Variants in C8orf34 observed in about 807,000 individuals in gnomAD.
C8orf34 encodes the protein uncharacterized protein C8orf34.
In C8orf34, 65 loss-of-function variants were observed where a neutral mutation model predicts 68.3. The ratio of observed to expected loss-of-function variants is 0.95; its 90% CI spans 0.78 to 1.17. C8orf34 has a LOEUF of 1.17. Ranked by LOEUF, C8orf34 falls within the 50% of genes most tolerant of loss-of-function variation. The probability of loss-of-function intolerance (pLI) is 0.00; values close to 1 mark genes in which losing one functional copy is unlikely to be tolerated. For synonymous variants in C8orf34, 244 were observed against 241.2 expected (o/e 1.01, Z -0.11); for missense variants, 664 against 655.4 (o/e 1.01, Z -0.14).
At chr8:68,806,555 G>A (rs1350796205) in intron 12 of C8orf34, among the ~76,000 whole-genome samples, 1 of 151,998 alleles carries the variant, frequency 6.6e-6, no homozygotes. Flanking sequence ...TTAGTCACCT[G>A]TTAGATTATT....
At chr8:68,805,502 T>C (rs966865004) in intron 12 of C8orf34, among the ~76,000 whole-genome samples, 6 of 152,226 alleles carry the variant, frequency 3.9e-5, no homozygotes, top group African/African-American at 1.2e-4. Flanking sequence ...TCCTGCTTTA[T>C]AAATTTTGGT....
Position 68,382,768 on chromosome 8 carries a change from T to C in C8orf34, c.327+51429T>C, listed in dbSNP as rs560709360. ...GGACTCAGTCCTAGATCTCCTCTTT[T>C]TTTATTTTATACTTTCCTTTAGAAA... On this transcript the variant is annotated intron_variant, in intron 1 of 13. Coordinates refer to ENST00000518698, the MANE Select transcript of C8orf34 (RefSeq NM_052958.4). 2.1e-3 allele frequency among the ~76,000 whole-genome samples: 320 copies of C among 152,344 alleles called. 1 individual carries two copies. The highest frequency in any genetic ancestry group is 7.5e-3 in the African/African-American group (310 of 41,578).
At chr8:68,631,940 A>G (rs1266529873) in intron 7 of C8orf34, among the ~76,000 whole-genome samples, 18 of 152,138 alleles carry the variant, frequency 1.2e-4, no homozygotes, top group African/African-American at 4.3e-4. Flanking sequence ...AGTTTTTTAT[A>G]CAGTGTGAAA....
intron 10 of C8orf34, among the ~76,000 whole-genome samples, chr8:68,741,122 G>A (rs1822278654): frequency 1.3e-5 from 2 of 151,956 alleles, no homozygotes; most frequent in South Asian, 4.1e-4. Context: ...GTAAAAATGG[G>A]TACTGGGCTG....
rs1056658601 is a variant in C8orf34 at position 68,403,536 on chromosome 8, C to T, written c.328-35963C>T. 2.6e-5 allele frequency among the ~76,000 whole-genome samples: 4 copies of T among 151,976 alleles called. No individual in the cohort carries two copies. The South Asian group carries it at 6.2e-4, about 24-fold the overall frequency. ...TCTCCTAATGCTATCCCTCCCCTAG[C>T]CCCCCACCCCCTGACAGGCCTTGGT... On this transcript the variant is annotated intron_variant, in intron 1 of 13. Coordinates refer to ENST00000518698, the MANE Select transcript of C8orf34 (RefSeq NM_052958.4).
At chr8:68,365,740 C>T (rs1230995621) in intron 1 of C8orf34, among the ~76,000 whole-genome samples, 2 of 62,906 alleles carry the variant, frequency 3.2e-5, no homozygotes, top group Non-Finnish European at 5.5e-5. Flanking sequence ...ATTGATGGGA[C>T]GTATTTCAAA....
intron 10 of C8orf34, among the ~76,000 whole-genome samples, chr8:68,768,802 G>A (rs1306644314): frequency 2.0e-5 from 3 of 151,588 alleles, no homozygotes; most frequent in East Asian, 1.9e-4. Context: ...TCTTTGTGCC[G>A]GCAACTGCAT....
At chr8:68,666,790 T>A (rs1396937826) in intron 8 of C8orf34, among the ~76,000 whole-genome samples, 1 of 152,184 alleles carries the variant, frequency 6.6e-6, no homozygotes, top group African/African-American at 2.4e-5. Context: ...ATGAATTGAT[T>A]TTTCCTTCTT....
In C8orf34 at chr8:68,735,519, T is replaced by C. The variant is rs16934982; in HGVS notation, c.1404+14082T>C. 6.7e-3 allele frequency among the ~76,000 whole-genome samples: 1,019 copies of C among 152,296 alleles called. 20 individuals are homozygous for C. Among genetic ancestry groups the C allele is most frequent in the African/African-American group, 0.023 (945 of 41,560 alleles). On this transcript the variant is annotated intron_variant, in intron 10 of 13. Coordinates refer to ENST00000518698, the MANE Select transcript of C8orf34 (RefSeq NM_052958.4). ...TTATATTGGAGATGTTGAGTGCCTT[T>C]AAGGGCCTAAAAATCATGTTTGCTT... is the stretch of plus-strand genomic sequence containing the variant.
chr8:68,726,726 G>A (rs543546508), intron 10 of C8orf34, among the ~76,000 whole-genome samples: 48 of 152,264 alleles, frequency 3.2e-4, no homozygotes, highest in African/African-American at 1.1e-3. Context: ...CTTCTTGCAT[G>A]GCAGCAGAGA....
chr8:68,499,014 A>T (rs944622920), intron 5 of C8orf34, among the ~76,000 whole-genome samples: 1 of 152,120 alleles, frequency 6.6e-6, no homozygotes, highest in Non-Finnish European at 1.5e-5. Context: ...GGTATGAAAG[A>T]TCCCATCAAC....
At chr8:68,660,906 G>T (rs190875622) in intron 8 of C8orf34, among the ~76,000 whole-genome samples, 4 of 151,960 alleles carry the variant, frequency 2.6e-5, no homozygotes, top group Non-Finnish European at 5.9e-5. Flanking sequence ...AAAAAGGGGG[G>T]GGAAAAACAA....
At chr8:68,571,093 G>A (rs1816748208) in intron 7 of C8orf34, among the ~76,000 whole-genome samples, 1 of 152,118 alleles carries the variant, frequency 6.6e-6, no homozygotes, top group Admixed American at 6.5e-5. Flanking sequence ...GTAGGACCCT[G>A]GAGGAAGGAG....
At chr8:68,794,546 C>T (rs1824124077) in intron 12 of C8orf34, among the ~76,000 whole-genome samples, 1 of 135,206 alleles carries the variant, frequency 7.4e-6, no homozygotes, top group Non-Finnish European at 1.5e-5. Flanking sequence ...GCTCTGTCAC[C>T]CAGGCTGGAC....
At chr8:68,467,966 G>A (rs1812221907) in intron 3 of C8orf34, among the ~76,000 whole-genome samples, 1 of 151,784 alleles carries the variant, frequency 6.6e-6, no homozygotes, top group African/African-American at 2.4e-5. Context: ...CATTTAATGG[G>A]CCCTTTAAAT....
chr8:68,660,712 T>C (rs1819646161), intron 8 of C8orf34, among the ~76,000 whole-genome samples: 1 of 152,138 alleles, frequency 6.6e-6, no homozygotes, highest in Non-Finnish European at 1.5e-5. Context: ...AAAAATGTGC[T>C]TCAGGAGGGT....
At chr8:68,617,829 C>G (rs2130611693) in intron 7 of C8orf34, among the ~76,000 whole-genome samples, 1 of 152,224 alleles carries the variant, frequency 6.6e-6, no homozygotes. Flanking sequence ...TGAATGTTGG[C>G]CTGCCTTGCT....
intron 3 of C8orf34, 115 bp from the exon 4 acceptor site, chr8:68,468,577 T>C (rs1812244823): frequency 1.0e-6 from 1 of 999,990 alleles, no homozygotes; most frequent in African/African-American, 1.7e-5. Context: ...ATCTTCAAGA[T>C]AAACACTTTT....
At chr8:68,550,876 A>G (rs746480254) in intron 7 of C8orf34, among the ~76,000 whole-genome samples, 1 of 151,146 alleles carries the variant, frequency 6.6e-6, no homozygotes, top group African/African-American at 2.4e-5. Flanking sequence ...TTTCCTCCCT[A>G]ATGGTAAAGT....
Sources: allele counts gnomAD v4.1 joint callset (sites outside exome capture counted in the v4.1 genomes callset), GRCh38; gene constraint gnomAD v4.1.1; transcripts MANE v1.5; gene names NCBI Gene and HGNC (gene_info 2026-07-23, HGNC 2026-07-21).